Variants in MAPRE2 observed in about 807,000 individuals in gnomAD.
The protein encoded by MAPRE2 is microtubule-associated protein RP/EB family member 2.
A neutral mutation model predicts 43.2 loss-of-function variants in MAPRE2; 13 were observed. That is an observed-to-expected ratio of 0.30 (90% CI 0.20 to 0.48). MAPRE2 has a LOEUF of 0.48. Among genes scored for constraint, MAPRE2 ranks in the 20% least tolerant of loss-of-function variants. The probability of loss-of-function intolerance (pLI) is 0.99; values close to 1 mark genes in which losing one functional copy is unlikely to be tolerated. For synonymous variants in MAPRE2, 135 were observed against 148.8 expected (o/e 0.91, Z 0.68); for missense variants, 161 against 400.2 (o/e 0.40, Z 5.10).
At chr18:35,096,594 T>C (rs958745587) in intron 2 of MAPRE2, among the ~76,000 whole-genome samples, 4 of 146,670 alleles carry the variant, frequency 2.7e-5, no homozygotes, top group African/African-American at 1.0e-4. Flanking sequence ...AACATGACTC[T>C]GAACTTCTAT....
chr18:35,004,333 T>C (rs1373376807), intron 1 of MAPRE2, among the ~76,000 whole-genome samples: 1 of 152,226 alleles, frequency 6.6e-6, no homozygotes, highest in Non-Finnish European at 1.5e-5. Context: ...CCAAGTCATT[T>C]CTGAAATGGT....
intron 2 of MAPRE2, among the ~76,000 whole-genome samples, chr18:35,076,980 G>A (rs1907387804): frequency 6.6e-6 from 1 of 152,108 alleles, no homozygotes. Context: ...GTCTCTCCTG[G>A]TTAGTGACGA....
At chr18:35,096,855 A>G (rs546347329) in intron 2 of MAPRE2, among the ~76,000 whole-genome samples, 4 of 152,140 alleles carry the variant, frequency 2.6e-5, no homozygotes, top group African/African-American at 7.2e-5. Flanking sequence ...CTTAATACTT[A>G]AATTGGTATT....
At chr18:35,116,609 T>C (rs1299464054) in intron 4 of MAPRE2, among the ~76,000 whole-genome samples, 2 of 152,226 alleles carry the variant, frequency 1.3e-5, no homozygotes, top group Non-Finnish European at 1.5e-5. Flanking sequence ...AAGGCCACCC[T>C]CAGTTCCTAG....
At chr18:35,105,969 G>A (rs1908885420) in intron 4 of MAPRE2, among the ~76,000 whole-genome samples, 2 of 151,988 alleles carry the variant, frequency 1.3e-5, no homozygotes, top group Admixed American at 1.3e-4. Flanking sequence ...TCCCTCATGA[G>A]CTCTATTTTT....
rs1051122696 is a variant in MAPRE2 at position 35,100,680 on chromosome 18, T to C, written c.397-1266T>C. Among the ~76,000 whole-genome samples the C allele has an allele frequency of 2.0e-5, 3 of 152,144 alleles. 1 individual carries two copies. Among genetic ancestry groups the C allele is most frequent in the Non-Finnish European group, 4.4e-5 (3 of 68,032 alleles). On this transcript the variant is annotated intron_variant, in intron 3 of 6. Coordinates refer to ENST00000300249, the MANE Select transcript of MAPRE2 (RefSeq NM_014268.4). ...ATTTAAATCTTATTCATCTCCACTCTCTAGTAACTATAATCTTTATATGAG... is the reference window on the plus strand; with the variant it reads ...ATTTAAATCTTATTCATCTCCACTCCCTAGTAACTATAATCTTTATATGAG...
At chr18:35,002,844 A>T (rs1220781494) in intron 1 of MAPRE2, among the ~76,000 whole-genome samples, 1 of 152,006 alleles carries the variant, frequency 6.6e-6, no homozygotes, top group Admixed American at 6.6e-5. Flanking sequence ...ACTTTCTTCT[A>T]GTTTATATCT....
At chr18:35,063,847 A>G (rs149789734) in intron 1 of MAPRE2, among the ~76,000 whole-genome samples, 1,926 of 151,904 alleles carry the variant, frequency 0.013, 14 homozygotes, top group Non-Finnish European at 0.019. Flanking sequence ...AAAAATGAAA[A>G]GTAAGCTGGG....
intron 4 of MAPRE2, among the ~76,000 whole-genome samples, chr18:35,120,233 G>GT (rs1909614999): frequency 6.6e-6 from 1 of 152,138 alleles, no homozygotes; most frequent in Non-Finnish European, 1.5e-5. Context: ...CACGAGATTG[G>GT]TGTGGCTAGT....
intron 4 of MAPRE2, among the ~76,000 whole-genome samples, chr18:35,123,554 G>A (rs546915316): frequency 6.6e-6 from 1 of 152,312 alleles, no homozygotes; most frequent in East Asian, 1.9e-4. Context: ...TACTGACTGA[G>A]TTTACTCCAC....
chr18:35,121,903 T>C (rs954628018), intron 4 of MAPRE2, among the ~76,000 whole-genome samples: 2 of 152,240 alleles, frequency 1.3e-5, no homozygotes, highest in East Asian at 3.8e-4. Flanking sequence ...AAAAGTATTC[T>C]ATCAATGTTA....
chr18:35,103,507 T>C (rs545816306), intron 4 of MAPRE2, among the ~76,000 whole-genome samples: 54 of 152,194 alleles, frequency 3.5e-4, no homozygotes, highest in African/African-American at 1.2e-3. Context: ...AAGATCTACA[T>C]AGGCAATTTT....
intron 1 of MAPRE2, chr18:34,988,706 T>G (rs1306340726): frequency 1.3e-5 from 2 of 152,196 alleles, no homozygotes; most frequent in Non-Finnish European, 2.9e-5. Flanking sequence ...ATGTAGCTGC[T>G]GGCTATATAT....
intron 5 of MAPRE2, among the ~76,000 whole-genome samples, chr18:35,129,152 C>G (rs573812225): frequency 1.3e-5 from 2 of 152,342 alleles, no homozygotes; most frequent in South Asian, 4.1e-4. Context: ...AATGTGCCTG[C>G]CCCTGTCTGT....
chr18:35,140,296 A>G lies in MAPRE2; in HGVS notation c.911A>G (p.Glu304Gly). ...MDILYASEEH[E>G]GHTEEPEAEE... is the part of the protein sequence containing the mutation. ...CTGAAACTTCTCCCCTGCCCACAGG[A>G]GGGCCACACAGAAGAGCCGGAAGCA... The change falls in exon 7 of 7, where the codon GAG becomes GGG. Residue 304 changes from glutamate to glycine, a missense_variant and splice_region_variant. This residue lies in a region of MAPRE2 where 96 missense variants were observed against 153.3 expected (regional missense o/e 0.63). Coordinates refer to ENST00000300249, the MANE Select transcript of MAPRE2 (RefSeq NM_014268.4). The G allele has an allele frequency of 6.2e-7, 1 of 1,613,464 alleles. No individual in the cohort carries two copies. The highest frequency in any genetic ancestry group is 8.5e-7 in the Non-Finnish European group (1 of 1,179,758).
intron 1 of MAPRE2, among the ~76,000 whole-genome samples, chr18:35,069,483 G>A (rs1444817819): frequency 2.0e-5 from 3 of 152,090 alleles, no homozygotes; most frequent in Non-Finnish European, 2.9e-5. Flanking sequence ...TGGTAGGCTA[G>A]GATGGGATTG....
intron 1 of MAPRE2, among the ~76,000 whole-genome samples, chr18:35,051,230 C>T (rs947483487): frequency 6.6e-6 from 1 of 152,146 alleles, no homozygotes; most frequent in African/African-American, 2.4e-5. Flanking sequence ...GACACTTGTT[C>T]TCCAAGGACA....
intron 2 of MAPRE2, among the ~76,000 whole-genome samples, chr18:35,090,121 GGGCCT>G (rs1367889583): frequency 2.0e-5 from 3 of 152,148 alleles, no homozygotes; most frequent in African/African-American, 2.4e-5. Flanking sequence ...GTGGTTGCCA[GGGCCT>G]GGAGGGAGGA....
intron 2 of MAPRE2, among the ~76,000 whole-genome samples, chr18:35,033,618 T>C (rs1276220288): frequency 4.7e-5 from 7 of 150,322 alleles, no homozygotes; most frequent in African/African-American, 9.7e-5. Context: ...AAAACCCCAT[T>C]GTCTCAGCCC....
Sources: gnomAD v4.1 joint callset for allele counts (sites outside exome capture counted in the v4.1 genomes callset) on GRCh38, gnomAD v4.1.1 for gene constraint, gnomAD v4.1.1 regional missense constraint, MANE v1.5 for transcripts, NCBI Gene and HGNC (gene_info 2026-07-23, HGNC 2026-07-21) for gene names.